BMPR1A: variants seen among roughly 807,000 people sequenced by gnomAD.
BMPR1A encodes bone morphogenetic protein receptor type 1A.
BMPR1A carries 7 observed loss-of-function variants against 66.0 expected under a neutral mutation model. The ratio of observed to expected loss-of-function variants is 0.11; its 90% CI spans 0.06 to 0.20. BMPR1A has a LOEUF of 0.20. Ranked by LOEUF, BMPR1A falls within the 10% of genes least tolerant of loss-of-function variation. The pLI, the probability that BMPR1A is intolerant of heterozygous loss-of-function variation, is 1.00. For synonymous variants in BMPR1A, 200 were observed against 229.7 expected (o/e 0.87, Z 1.17); for missense variants, 408 against 669.1 (o/e 0.61, Z 4.31).
chr10:86,858,644 C>T (rs942652171), intron 2 of BMPR1A, among the ~76,000 whole-genome samples: 65 of 151,816 alleles, frequency 4.3e-4, no homozygotes, highest in African/African-American at 1.4e-3. Context: ...TTCTATACAC[C>T]AATAATGAAC....
chr10:86,827,281 A>G (rs1397121583), intron 1 of BMPR1A, among the ~76,000 whole-genome samples: 1 of 151,694 alleles, frequency 6.6e-6, no homozygotes, highest in African/African-American at 2.4e-5. Context: ...TTCTGTATAT[A>G]TTCTTCTTGG....
chr10:86,756,182 G>A (rs1200424516), upstream of BMPR1A: 5 of 152,170 alleles, frequency 3.3e-5, no homozygotes, highest in African/African-American at 1.2e-4. Flanking sequence ...GGCCGGAGCG[G>A]GCGTCCAGGG....
chr10:86,787,754 T>C (rs1715456493), intron 1 of BMPR1A, among the ~76,000 whole-genome samples: 1 of 152,070 alleles, frequency 6.6e-6, no homozygotes, highest in Admixed American at 6.6e-5. Context: ...CTTACAATCA[T>C]GGCAGAAGGG....
At chr10:86,771,003 T>G (rs760827657) in intron 1 of BMPR1A, among the ~76,000 whole-genome samples, 19 of 152,218 alleles carry the variant, frequency 1.2e-4, no homozygotes, top group Admixed American at 5.2e-4. Context: ...TATGAGGCTG[T>G]CACAGTACTA....
chr10:86,909,984 G>C lies in BMPR1A; in HGVS notation c.531-2256G>C, dbSNP rs538036965. ...ATTCAGTAATTCCTACTACAGATAT[G>C]GTAGAAAATTGTATTTCACACTTGA... On this transcript the variant is annotated intron_variant, in intron 7 of 12. Coordinates refer to ENST00000372037, the MANE Select transcript of BMPR1A (RefSeq NM_004329.3). Among the ~76,000 whole-genome samples the C allele has an allele frequency of 9.2e-5, 14 of 152,122 alleles. No homozygotes were observed. In the South Asian group the frequency reaches 2.5e-3, roughly 27 times the overall value.
At chr10:86,803,106 T>C (rs1841835621) in intron 1 of BMPR1A, among the ~76,000 whole-genome samples, 1 of 152,142 alleles carries the variant, frequency 6.6e-6, no homozygotes, top group Non-Finnish European at 1.5e-5. Context: ...AAAATTGTTT[T>C]CTTTAAAGTG....
chr10:86,901,410 G>T (rs1589283256), intron 7 of BMPR1A, among the ~76,000 whole-genome samples: 1 of 152,200 alleles, frequency 6.6e-6, no homozygotes, highest in East Asian at 1.9e-4. Context: ...AGTCTTCTTG[G>T]TGTTATTGTC....
At chr10:86,835,030 C>T (rs1023847187) in intron 1 of BMPR1A, among the ~76,000 whole-genome samples, 8 of 151,896 alleles carry the variant, frequency 5.3e-5, no homozygotes, top group African/African-American at 1.9e-4. Flanking sequence ...GTTGATTCCA[C>T]CGAATTCTAA....
Position 86,890,159 on chromosome 10 carries a change from C to T in BMPR1A, c.165C>T (p.Thr55=), listed in dbSNP as rs1180486494. The change falls in exon 4 of 13, where the codon ACC becomes ACT. Residue 55 remains threonine, a synonymous_variant. Transcript: ENST00000372037. ...ENGVTLAPED[T]LPFLKCYCSG... is the part of the protein sequence containing the mutation. ...GAGTAACCTTAGCACCAGAGGATAC[C>T]TTGCCTTTTTTAAAGTGCTATTGCT... The T allele has an allele frequency of 6.2e-7, 1 of 1,614,110 alleles. No individual in the cohort carries two copies. The highest frequency in any genetic ancestry group is 1.1e-5 in the South Asian group (1 of 91,074).
chr10:86,824,105 G>GTGTGTGTGTGTGTGTGTGTGTGTGTGTT (rs150991310), intron 1 of BMPR1A, among the ~76,000 whole-genome samples: 55 of 147,382 alleles, frequency 3.7e-4, no homozygotes, highest in Middle Eastern at 7.0e-3. Flanking sequence ...GTGTGTGTGT[G>GTGTGTGTGTGTGTGTGTGTGTGTGTGTT]TGTGTGTTTC....
At chr10:86,874,591 T>A (rs1240772717) in intron 2 of BMPR1A, among the ~76,000 whole-genome samples, 2 of 151,752 alleles carry the variant, frequency 1.3e-5, no homozygotes, top group African/African-American at 2.4e-5. Context: ...GTATTTTTAG[T>A]AGAGACGGGG....
chr10:86,908,543 T>C (rs755833404), intron 7 of BMPR1A, among the ~76,000 whole-genome samples: 3 of 152,208 alleles, frequency 2.0e-5, no homozygotes, highest in Non-Finnish European at 4.4e-5. Flanking sequence ...GCTGTTCATT[T>C]GCTTCGAGTT....
At chr10:86,793,015 G>A (rs1239811721) in intron 1 of BMPR1A, among the ~76,000 whole-genome samples, 1 of 151,862 alleles carries the variant, frequency 6.6e-6, no homozygotes, top group Non-Finnish European at 1.5e-5. Flanking sequence ...CCACTGCTTT[G>A]TTTCTTTCTG....
chr10:86,899,183 A>G (rs1843270706), intron 5 of BMPR1A, among the ~76,000 whole-genome samples: 1 of 152,262 alleles, frequency 6.6e-6, no homozygotes, highest in Admixed American at 6.5e-5. Context: ...CCAATAAAAC[A>G]TCACATGCAA....
intron 1 of BMPR1A, among the ~76,000 whole-genome samples, chr10:86,784,238 A>G (rs1208969252): frequency 3.3e-5 from 5 of 151,992 alleles, no homozygotes; most frequent in Non-Finnish European, 1.5e-5. Context: ...TGGACTTTTT[A>G]TGTATGGTCT....
chr10:86,796,453 A>G (rs1161557546), intron 1 of BMPR1A, among the ~76,000 whole-genome samples: 1 of 151,978 alleles, frequency 6.6e-6, no homozygotes, highest in East Asian at 1.9e-4. Context: ...AAGTCACTAT[A>G]ATTAGTAATC....
chr10:86,919,418 A>G lies in BMPR1A; in HGVS notation c.1115A>G (p.Lys372Arg). ...AAGAGCAAAAACATCCTCATCAAGAAAAATGGGAGTTGCTGCATTGCTGAC... is the reference window on the plus strand; with the variant it reads ...AAGAGCAAAAACATCCTCATCAAGAGAAATGGGAGTTGCTGCATTGCTGAC... ...DLKSKNILIK[K>R]NGSCCIADLG... Residue 372 changes from lysine (K) to arginine (R), a missense_variant, in exon 10 of 13, where the codon AAA (lysine) becomes AGA (arginine). This residue lies in a region of BMPR1A where 130 missense variants were observed against 257.3 expected (regional missense o/e 0.51). Coordinates refer to ENST00000372037, the MANE Select transcript of BMPR1A (RefSeq NM_004329.3). The G allele has an allele frequency of 6.2e-7, 1 of 1,613,370 alleles. No homozygotes were observed. Among genetic ancestry groups the G allele is most frequent in the Non-Finnish European group, 8.5e-7 (1 of 1,179,858 alleles).
At chr10:86,892,350 T>C (rs1247760239) in intron 5 of BMPR1A, 121 bp downstream of exon 5, 19 of 735,480 alleles carry the variant, frequency 2.6e-5, no homozygotes, top group Non-Finnish European at 4.0e-5. Context: ...AGTAAATATA[T>C]TGGAGGAATA....
intron 3 of BMPR1A, among the ~76,000 whole-genome samples, chr10:86,878,960 C>T (rs531622145): frequency 6.7e-6 from 1 of 150,018 alleles, no homozygotes; most frequent in Admixed American, 6.8e-5. Context: ...GAATGTTTTC[C>T]TCTACAAATA....
Sources: gnomAD v4.1 joint callset for allele counts (sites outside exome capture counted in the v4.1 genomes callset) on GRCh38, gnomAD v4.1.1 for gene constraint, gnomAD v4.1.1 regional missense constraint, MANE v1.5 for transcripts, NCBI Gene and HGNC (gene_info 2026-07-23, HGNC 2026-07-21) for gene names.